SEMA6D: variants seen among roughly 807,000 people sequenced by gnomAD.
SEMA6D encodes semaphorin-6D.
A neutral mutation model predicts 106.6 loss-of-function variants in SEMA6D; 35 were observed. That is an observed-to-expected ratio of 0.33 (90% CI 0.25 to 0.44). The LOEUF (loss-of-function observed/expected upper bound fraction) is 0.44, where lower values mean the gene tolerates loss of function less well. Ranked by LOEUF, SEMA6D falls within the 20% of genes least tolerant of loss-of-function variation. The probability of loss-of-function intolerance (pLI) is 1.00; values close to 1 mark genes in which losing one functional copy is unlikely to be tolerated. For missense variants in SEMA6D, 1,185 were observed against 1,345.9 expected (o/e 0.88, Z 1.87); for synonymous variants, 499 against 487.7 (o/e 1.02, Z -0.31).
chr15:47,680,042 G>T (rs1204574863), intron 4 of SEMA6D, among the ~76,000 whole-genome samples: 1 of 152,060 alleles, frequency 6.6e-6, no homozygotes, highest in East Asian at 1.9e-4. Context: ...CCTGCATGAG[G>T]ACCCCAAGAA....
intron 4 of SEMA6D, chr15:47,603,354 CTCT>C (rs2076704184): frequency 6.6e-6 from 1 of 152,098 alleles, no homozygotes; most frequent in Non-Finnish European, 1.5e-5. Flanking sequence ...TCATGGATGC[CTCT>C]TCTCTTTGTC....
At chr15:47,681,086 T>C (rs1008744026) in intron 4 of SEMA6D, among the ~76,000 whole-genome samples, 7 of 152,222 alleles carry the variant, frequency 4.6e-5, no homozygotes, top group Non-Finnish European at 8.8e-5. Context: ...CTTCTGGGTA[T>C]TTATGCAAAG....
At chr15:47,460,533 T>TG (rs1392301654) in intron 2 of SEMA6D, among the ~76,000 whole-genome samples, 1 of 152,122 alleles carries the variant, frequency 6.6e-6, no homozygotes, top group Non-Finnish European at 1.5e-5. Flanking sequence ...TACATCATGA[T>TG]GCTGTGTGCT....
chr15:47,245,481 G>A (rs1012057793), intron 1 of SEMA6D, among the ~76,000 whole-genome samples: 1 of 152,164 alleles, frequency 6.6e-6, no homozygotes, highest in African/African-American at 2.4e-5. Flanking sequence ...GAAGAAATAG[G>A]TGTTGTCTGA....
chr15:47,552,385 A>G (rs1019740892), intron 3 of SEMA6D, among the ~76,000 whole-genome samples: 2 of 152,002 alleles, frequency 1.3e-5, no homozygotes, highest in African/African-American at 2.4e-5. Context: ...TTCCTTTTCT[A>G]TGGTTTATGG....
chr15:47,588,681 A>T (rs1307322375), intron 3 of SEMA6D, among the ~76,000 whole-genome samples: 2 of 152,148 alleles, frequency 1.3e-5, no homozygotes, highest in Non-Finnish European at 2.9e-5. Flanking sequence ...TCCGTCTGTG[A>T]AGGAAAAAGT....
At chr15:47,287,241 A>G (rs1233039685) in intron 1 of SEMA6D, among the ~76,000 whole-genome samples, 2 of 152,150 alleles carry the variant, frequency 1.3e-5, no homozygotes, top group South Asian at 4.1e-4. Flanking sequence ...GAGCTCCCCA[A>G]CCTGCACTGG....
chr15:47,730,592 C>T (rs528029463), intron 1 of SEMA6D: 8 of 1,538,622 alleles, frequency 5.2e-6, no homozygotes, highest in South Asian at 1.1e-5. Flanking sequence ...CTTCTCGGCC[C>T]AGGCCAACAG....
At chr15:47,440,453 C>A (rs1294788141) in intron 2 of SEMA6D, among the ~76,000 whole-genome samples, 1 of 151,874 alleles carries the variant, frequency 6.6e-6, no homozygotes, top group South Asian at 2.1e-4. Context: ...CTGAGGGTTG[C>A]CTTAGTAGAG....
At chr15:47,295,547 C>G (rs1043725601) in intron 1 of SEMA6D, among the ~76,000 whole-genome samples, 1 of 152,166 alleles carries the variant, frequency 6.6e-6, no homozygotes, top group Non-Finnish European at 1.5e-5. Context: ...CAAGACCTAT[C>G]CAGAGAAATA....
chr15:47,762,374 G>C (rs1264335285), intron 8 of SEMA6D, 55 bp downstream of exon 8: 2 of 1,595,872 alleles, frequency 1.3e-6, no homozygotes, highest in African/African-American at 2.7e-5. Context: ...GGCCCAAGTG[G>C]GGACAGCAGC....
At chr15:47,475,633 A>C (rs913976204) in intron 3 of SEMA6D, among the ~76,000 whole-genome samples, 1 of 152,206 alleles carries the variant, frequency 6.6e-6, no homozygotes, top group Non-Finnish European at 1.5e-5. Context: ...CGCAGAGTTC[A>C]GTAGAGGAAT....
At chr15:47,195,560 G>A (rs542737227) in intron 1 of SEMA6D, among the ~76,000 whole-genome samples, 10 of 152,132 alleles carry the variant, frequency 6.6e-5, no homozygotes, top group African/African-American at 1.9e-4. Context: ...TTATAATTGT[G>A]TATTTTACCA....
chr15:47,217,375 C>G (rs192688526), intron 1 of SEMA6D, among the ~76,000 whole-genome samples: 2 of 152,090 alleles, frequency 1.3e-5, no homozygotes, highest in Non-Finnish European at 2.9e-5. Context: ...GATATTTGAA[C>G]CAGGTATACC....
chr15:47,409,343 A>G (rs1449138978), intron 1 of SEMA6D, among the ~76,000 whole-genome samples: 2 of 152,202 alleles, frequency 1.3e-5, no homozygotes, highest in Non-Finnish European at 2.9e-5. Context: ...TCAGCCAATG[A>G]GAAAGTATGA....
intron 1 of SEMA6D, among the ~76,000 whole-genome samples, chr15:47,324,902 T>C (rs1349055775): frequency 5.9e-5 from 9 of 151,984 alleles, no homozygotes; most frequent in Admixed American, 5.9e-4. Context: ...TGCCAGTAAA[T>C]ATAGTTTAAC....
chr15:47,251,955 G>T lies in SEMA6D; in HGVS notation c.-239+67537G>T, dbSNP rs192404589. 1.1e-3 allele frequency among the ~76,000 whole-genome samples: 122 copies of T among 113,228 alleles called. 1 individual carries two copies. The highest frequency in any genetic ancestry group is 1.3e-3 in the Non-Finnish European group (77 of 60,356). 74.3% of individuals were successfully genotyped at this position (113,228 alleles called of 152,430 possible). ...TTTTGAGACGGAGTCTCGCTCTGTC[G>T]CCCAGGCTGGAGTGCAGTGGCGCGA... On this transcript the variant is annotated intron_variant, in intron 1 of 19. Transcript: ENST00000558014.
At chr15:47,521,909 T>C (rs548305540) in intron 3 of SEMA6D, among the ~76,000 whole-genome samples, 2 of 148,974 alleles carry the variant, frequency 1.3e-5, no homozygotes, top group Admixed American at 6.8e-5. Context: ...GGTGTAAACC[T>C]GGGAGGCGGA....
intron 1 of SEMA6D, among the ~76,000 whole-genome samples, chr15:47,195,573 G>T (rs1355568550): frequency 1.3e-5 from 2 of 152,092 alleles, no homozygotes; most frequent in African/African-American, 4.8e-5. Flanking sequence ...TTTTACCATG[G>T]TCTTACCAGA....
Sources: allele counts gnomAD v4.1 joint callset (sites outside exome capture counted in the v4.1 genomes callset), GRCh38; gene constraint gnomAD v4.1.1; transcripts MANE v1.5; gene names NCBI Gene and HGNC (gene_info 2026-07-23, HGNC 2026-07-21).